The following SMIM8 variants were observed in gnomAD, a reference collection of about 807,000 sequenced individuals.
The protein encoded by SMIM8 is UPF0708 protein C6orf162.
Under a neutral mutation model 8.1 loss-of-function variants are expected in SMIM8, and 8 were observed. The ratio of observed to expected loss-of-function variants is 0.99; its 90% CI spans 0.58 to 1.78. The LOEUF (loss-of-function observed/expected upper bound fraction) is 1.78. Ranked by LOEUF, SMIM8 falls within the 40% of genes most tolerant of loss-of-function variation. SMIM8 has a pLI of 0.00. For synonymous variants in SMIM8, 45 were observed against 39.7 expected (o/e 1.13, Z -0.50); for missense variants, 126 against 119.8 (o/e 1.05, Z -0.24).
At chr6:87,332,653 A>G (rs1365242319) in intron 2 of SMIM8, among the ~76,000 whole-genome samples, 1 of 31,702 alleles carries the variant, frequency 3.2e-5, no homozygotes, top group African/African-American at 1.6e-4. Flanking sequence ...AAGTATATGT[A>G]ATAAACTATG....
intron 1 of SMIM8, among the ~76,000 whole-genome samples, chr6:87,328,413 T>C (rs909781501): frequency 1.3e-5 from 2 of 152,168 alleles, no homozygotes; most frequent in East Asian, 1.9e-4. Flanking sequence ...TTGATGGTGA[T>C]GTACAGATGG....
chr6:87,324,915 A>T (rs1008190120), intron 1 of SMIM8, among the ~76,000 whole-genome samples: 17 of 152,200 alleles, frequency 1.1e-4, no homozygotes, highest in Non-Finnish European at 1.6e-4. Flanking sequence ...TGGAATGTTC[A>T]TCCATTTGTT....
chr6:87,335,382 A>G (rs1161988944), intron 2 of SMIM8, among the ~76,000 whole-genome samples: 3 of 152,212 alleles, frequency 2.0e-5, no homozygotes, highest in Non-Finnish European at 2.9e-5. Flanking sequence ...TGATGTAAAA[A>G]TTGAACCAGA....
chr6:87,334,840 A>G (rs374792), intron 2 of SMIM8, among the ~76,000 whole-genome samples: 95,157 of 152,118 alleles, frequency 0.63, 30,186 homozygotes, highest in African/African-American at 0.7. Flanking sequence ...GTTACTGAAT[A>G]GCTGATAAAG....
At chr6:87,334,845 A>G (rs942582766) in intron 2 of SMIM8, among the ~76,000 whole-genome samples, 1 of 152,212 alleles carries the variant, frequency 6.6e-6, no homozygotes, top group Non-Finnish European at 1.5e-5. Context: ...TGAATAGCTG[A>G]TAAAGATTGA....
chr6:87,331,548 G>A (rs1776995030), intron 2 of SMIM8, among the ~76,000 whole-genome samples: 1 of 152,116 alleles, frequency 6.6e-6, no homozygotes, highest in Non-Finnish European at 1.5e-5. Flanking sequence ...ACAGCTCTGT[G>A]GGCTGGCATG....
chr6:87,326,709 G>C (rs575926483), intron 1 of SMIM8, among the ~76,000 whole-genome samples: 30 of 126,678 alleles, frequency 2.4e-4, no homozygotes, highest in African/African-American at 9.5e-4. Flanking sequence ...TTTTGGAATA[G>C]GTGTGGTGTG....
chr6:87,337,303 G>A (rs1248335201), intron 3 of SMIM8, 137 bp downstream of exon 3: 1 of 911,250 alleles, frequency 1.1e-6, no homozygotes, highest in Non-Finnish European at 1.5e-6. Flanking sequence ...AAAGCAGGTG[G>A]AAGGACGATT....
Position 87,340,683 on chromosome 6 carries a change from T to A in SMIM8, c.*409T>A, listed in dbSNP as rs554011855. On this transcript the variant is annotated 3_prime_UTR_variant, in exon 4 of 4. Coordinates refer to ENST00000392863, the MANE Select transcript of SMIM8 (RefSeq NM_001042493.3). ...ACTTGCAAAGGAAATGTTCATGTTC[T>A]CCCTGGCATAGAACCTATATTTTTA... 1.3e-5 allele frequency: 2 copies of A among 153,700 alleles called. No homozygotes were observed. Among genetic ancestry groups the A allele is most frequent in the East Asian group, 3.8e-4 (2 of 5,246 alleles). The allele number at this position is 153,700 out of a possible 1,614,324, so 9.5% of individuals were successfully genotyped here.
chr6:87,340,090 CT>C, intron 3 of SMIM8, 25 bp from the exon 4 acceptor site: 2 of 1,509,388 alleles, frequency 1.3e-6, no homozygotes, highest in Non-Finnish European at 1.8e-6. Flanking sequence ...CTTACTAAAG[CT>C]TTATAATTTT....
chr6:87,322,937 A>T (rs978974796), intron 1 of SMIM8: 1 of 151,968 alleles, frequency 6.6e-6, no homozygotes, highest in African/African-American at 2.4e-5. Context: ...CGTTTCCTGC[A>T]GTTTCTTAGT....
At chr6:87,326,947 G>T (rs550268285) in intron 1 of SMIM8, among the ~76,000 whole-genome samples, 76 of 107,978 alleles carry the variant, frequency 7.0e-4, no homozygotes, top group African/African-American at 2.8e-3. Context: ...GAATCTGGGT[G>T]CTCCTGTATT....
chr6:87,324,940 T>C (rs560995272), intron 1 of SMIM8, among the ~76,000 whole-genome samples: 18 of 152,308 alleles, frequency 1.2e-4, no homozygotes, highest in African/African-American at 4.3e-4. Context: ...TCCTCTTTTA[T>C]TTCCTTGAGC....
rs1776958441 is a variant in SMIM8 at position 87,330,049 on chromosome 6, T to G, written c.-44-643T>G. On this transcript the variant is annotated intron_variant, in intron 1 of 3. Transcript: ENST00000392863. ...GCTTATAAGTAGCAAAGTGAGAATC[T>G]GAGGTTATGCTATGTTTCCCCTCAA... Among the ~76,000 whole-genome samples the G allele has an allele frequency of 2.6e-5, 4 of 152,226 alleles. No homozygotes were observed. The South Asian group carries it at 8.3e-4, about 32-fold the overall frequency.
intron 2 of SMIM8, among the ~76,000 whole-genome samples, chr6:87,331,679 T>A (rs1776998220): frequency 6.6e-6 from 1 of 152,224 alleles, no homozygotes; most frequent in Admixed American, 6.5e-5. Context: ...CTGGTCTCAG[T>A]AATCTGAATT....
At position 87,340,447 on chromosome 6, in the gene SMIM8, A is replaced by G; in HGVS notation, c.*173A>G. On this transcript the variant is annotated 3_prime_UTR_variant, in exon 4 of 4. Transcript: ENST00000392863. ...ATTTTGTCCTTTCACAGCTGCAGCC[A>G]TTATCTCATTCTTTTTCCACAGAGT... is the stretch of plus-strand genomic sequence containing the variant. 4.3e-6 allele frequency: 2 copies of G among 461,000 alleles called. No homozygotes were observed. Among genetic ancestry groups the G allele is most frequent in the Non-Finnish European group, 7.0e-6 (2 of 287,100 alleles). The allele number at this position is 461,000 out of a possible 1,614,324, so 28.6% of individuals were successfully genotyped here. A position where few individuals can be genotyped will look rare whatever the true frequency, so the allele number is the denominator to read the frequency against.
At chr6:87,332,339 A>G (rs999485593) in intron 2 of SMIM8, among the ~76,000 whole-genome samples, 2 of 148,230 alleles carry the variant, frequency 1.3e-5, no homozygotes, top group Admixed American at 1.3e-4. Flanking sequence ...ATATATATAT[A>G]TATAAATGAC....
chr6:87,335,356 C>T (rs950228172), intron 2 of SMIM8, among the ~76,000 whole-genome samples: 5 of 152,092 alleles, frequency 3.3e-5, no homozygotes, highest in Non-Finnish European at 7.4e-5. Context: ...CCTGAAGTTG[C>T]TACAGGAGTG....
rs1777068700 is a variant in SMIM8 at position 87,334,742 on chromosome 6, C to T, written c.-23-2267C>T. Reference sequence around the variant, plus strand: ...CTGTAATGCATTTTGGAACAATTGTCTTTGGCAAGTCAGCTAACTCTCAGT... The same window carrying T: ...CTGTAATGCATTTTGGAACAATTGTTTTTGGCAAGTCAGCTAACTCTCAGT... On this transcript the variant is annotated intron_variant, in intron 2 of 3. Coordinates refer to ENST00000392863, the MANE Select transcript of SMIM8 (RefSeq NM_001042493.3). Among the ~76,000 whole-genome samples the T allele has an allele frequency of 2.0e-5, 3 of 152,340 alleles. No individual in the cohort carries two copies. In the South Asian group the frequency reaches 6.2e-4, roughly 32 times the overall value.
Sources: gnomAD v4.1 joint callset for allele counts (sites outside exome capture counted in the v4.1 genomes callset) on GRCh38, gnomAD v4.1.1 for gene constraint, MANE v1.5 for transcripts, NCBI Gene and HGNC (gene_info 2026-07-23, HGNC 2026-07-21) for gene names.